CDKAL1: variants seen among roughly 807,000 people sequenced by gnomAD.
CDKAL1 encodes the protein CDKAL1 threonylcarbamoyladenosine tRNA methylthiotransferase.
CDKAL1 carries 32 observed loss-of-function variants against 68.2 expected under a neutral mutation model. The ratio of observed to expected loss-of-function variants is 0.47; its 90% CI spans 0.35 to 0.63. CDKAL1 has a LOEUF of 0.63. CDKAL1 is among the 30% of genes least tolerant of loss of function. The pLI is 0.00. For synonymous variants in CDKAL1, 234 were observed against 244.3 expected, an observed-to-expected ratio of 0.96 and a Z score of 0.39; for missense variants, 606 against 696.7, an observed-to-expected ratio of 0.87 and a Z score of 1.47.
At chr6:20,656,697 G>T (rs992448089) in intron 5 of CDKAL1, among the ~76,000 whole-genome samples, 1 of 152,068 alleles carries the variant, frequency 6.6e-6, no homozygotes, top group African/African-American at 2.4e-5. Flanking sequence ...TATAACTTGT[G>T]TCAATGGGTT....
intron 9 of CDKAL1, among the ~76,000 whole-genome samples, chr6:20,896,390 G>A (rs564562328): frequency 6.6e-6 from 1 of 152,056 alleles, no homozygotes; most frequent in East Asian, 1.9e-4. Context: ...GAGCCACCAC[G>A]CCTGGCCTCT....
At chr6:20,901,995 C>T (rs1282340866) in intron 9 of CDKAL1, among the ~76,000 whole-genome samples, 1 of 152,086 alleles carries the variant, frequency 6.6e-6, no homozygotes, top group Non-Finnish European at 1.5e-5. Flanking sequence ...AGGATGATCT[C>T]AAACTCCTGG....
intron 15 of CDKAL1, among the ~76,000 whole-genome samples, chr6:21,227,936 A>G (rs1197547712): frequency 6.6e-6 from 1 of 152,220 alleles, no homozygotes; most frequent in Non-Finnish European, 1.5e-5. Context: ...AAGAAGGCGC[A>G]GTACCTGCAC....
At chr6:21,017,287 G>A (rs938928803) in intron 11 of CDKAL1, among the ~76,000 whole-genome samples, 2 of 152,314 alleles carry the variant, frequency 1.3e-5, no homozygotes, top group East Asian at 1.9e-4. Context: ...TTTTGTTGGT[G>A]TTATAAGCAA....
chr6:21,150,615 G>A (rs748304043), intron 13 of CDKAL1, among the ~76,000 whole-genome samples: 16 of 152,142 alleles, frequency 1.1e-4, no homozygotes, highest in Non-Finnish European at 1.9e-4. Flanking sequence ...AATTAAACCA[G>A]TGACCTTGGG....
chr6:20,799,041 T>TTTTTTTTG (rs1491188504), intron 8 of CDKAL1, among the ~76,000 whole-genome samples: 1 of 32,668 alleles, frequency 3.1e-5, no homozygotes, highest in Non-Finnish European at 6.2e-5. Context: ...AAGAACTGAG[T>TTTTTTTTG]TTTTTTTTTT....
chr6:20,750,951 G>GAAAAAAAAA (rs59244637), intron 6 of CDKAL1, among the ~76,000 whole-genome samples: 5 of 47,080 alleles, frequency 1.1e-4, no homozygotes, highest in Non-Finnish European at 1.4e-4. Flanking sequence ...GCAACAGAGT[G>GAAAAAAAAA]AAAAAAAAAA....
At chr6:20,667,397 A>C (rs1046401239) in intron 5 of CDKAL1, among the ~76,000 whole-genome samples, 3 of 152,106 alleles carry the variant, frequency 2.0e-5, no homozygotes, top group Non-Finnish European at 4.4e-5. Context: ...ATGATACCTG[A>C]ATGGGTGCGA....
At chr6:20,978,204 CAGA>C (rs1765936918) in intron 10 of CDKAL1, among the ~76,000 whole-genome samples, 1 of 152,232 alleles carries the variant, frequency 6.6e-6, no homozygotes, top group African/African-American at 2.4e-5. Context: ...TAAAATGTTG[CAGA>C]GGTTCCGCTT....
rs573866961 is a variant in CDKAL1, at chr6:21,199,883, C to T, written c.1384-1227C>T. 1.4e-4 allele frequency among the ~76,000 whole-genome samples: 21 copies of T among 152,344 alleles called. 1 individual carries two copies. The South Asian group carries it at 2.3e-3, about 17-fold the overall frequency. ...ACCTTTTTCTTCTACTTTGATGAAG[C>T]AGTGTACTCAGTGGTCATAAAAATC... On this transcript the variant is annotated intron_variant, in intron 14 of 15. Transcript: ENST00000274695.
At chr6:20,862,660 T>C (rs201262361) in intron 9 of CDKAL1, among the ~76,000 whole-genome samples, 11,726 of 147,246 alleles carry the variant, frequency 0.08, 524 homozygotes, top group African/African-American at 0.11. Flanking sequence ...TGTGTGTGTG[T>C]GTGCGCGCGT....
At chr6:20,655,093 T>C (rs1768961772) in intron 5 of CDKAL1, among the ~76,000 whole-genome samples, 1 of 152,364 alleles carries the variant, frequency 6.6e-6, no homozygotes, top group East Asian at 1.9e-4. Flanking sequence ...TCTTTTAGAC[T>C]TTTTTCTCCC....
At chr6:20,936,278 T>G (rs1358416099) in intron 9 of CDKAL1, among the ~76,000 whole-genome samples, 2 of 124,580 alleles carry the variant, frequency 1.6e-5, no homozygotes, top group African/African-American at 3.0e-5. Context: ...TGAGACGGAG[T>G]CTCGCTCTGT....
At chr6:21,024,483 TA>T (rs537715936) in intron 11 of CDKAL1, among the ~76,000 whole-genome samples, 8 of 146,888 alleles carry the variant, frequency 5.4e-5, no homozygotes, top group Admixed American at 1.4e-4. Context: ...CCCCATCTCT[TA>T]AAAAAAAAAG....
chr6:20,859,759 C>T (rs183019413), intron 9 of CDKAL1, among the ~76,000 whole-genome samples: 6 of 152,298 alleles, frequency 3.9e-5, no homozygotes, highest in East Asian at 1.9e-4. Context: ...AAGAGGAATA[C>T]GGTTCAACTT....
At chr6:20,856,462 A>G (rs1759344314) in intron 9 of CDKAL1, among the ~76,000 whole-genome samples, 1 of 152,210 alleles carries the variant, frequency 6.6e-6, no homozygotes. Context: ...GCTTGATTTT[A>G]TAACACCAGA....
At chr6:21,225,357 G>A (rs1779702034) in intron 15 of CDKAL1, among the ~76,000 whole-genome samples, 1 of 152,144 alleles carries the variant, frequency 6.6e-6, no homozygotes, top group South Asian at 2.1e-4. Flanking sequence ...GGGAGTAAGA[G>A]GTGCTGACTT....
chr6:20,774,384 G>C (rs936535278), intron 7 of CDKAL1, among the ~76,000 whole-genome samples: 7 of 152,168 alleles, frequency 4.6e-5, no homozygotes, highest in Non-Finnish European at 1.0e-4. Context: ...TTTGTAGCTA[G>C]TTATGTTTCT....
In CDKAL1 at chr6:20,816,776, A is replaced by T. The variant is rs113871341; in HGVS notation, c.639-29299A>T. The stretch of plus-strand genomic sequence containing the variant: ...ATTCCTGGTGCTCATCCTGGTCCTT[A>T]TATAAGCTAGAACATATCTGGTCAT... On this transcript the variant is annotated intron_variant, in intron 8 of 15. Transcript: ENST00000274695. Among the ~76,000 whole-genome samples, 34 of 152,252 alleles carry T rather than the reference A, an allele frequency of 2.2e-4. 1 individual carries two copies. Among genetic ancestry groups the T allele is most frequent in the African/African-American group, 7.0e-4 (29 of 41,564 alleles).
Sources: gnomAD v4.1 joint callset for allele counts (sites outside exome capture counted in the v4.1 genomes callset) on GRCh38, gnomAD v4.1.1 for gene constraint, MANE v1.5 for transcripts, NCBI Gene and HGNC (gene_info 2026-07-23, HGNC 2026-07-21) for gene names.